The following TMOD3 variants were observed in gnomAD, a reference collection of about 807,000 sequenced individuals.
TMOD3 encodes tropomodulin-3.
TMOD3 carries 20 observed loss-of-function variants against 39.2 expected under a neutral mutation model. That is an observed-to-expected ratio of 0.51 (90% confidence interval 0.36 to 0.74). The LOEUF is 0.74. Among genes scored for constraint, TMOD3 ranks in the 30% least tolerant of loss-of-function variants. The probability of loss-of-function intolerance (pLI) is 0.00; values close to 1 mark genes in which losing one functional copy is unlikely to be tolerated. For synonymous variants in TMOD3, 143 were observed against 145.8 expected (o/e 0.98, Z 0.14); for missense variants, 381 against 412.8 (o/e 0.92, Z 0.67).
chr15:51,889,698 C>A (rs2056582730), intron 5 of TMOD3, among the ~76,000 whole-genome samples: 1 of 151,986 alleles, frequency 6.6e-6, no homozygotes, highest in Non-Finnish European at 1.5e-5. Context: ...AGACCCCCAT[C>A]TCTAAAAAAT....
At chr15:51,905,001 G>A (rs1054926692) in intron 9 of TMOD3, among the ~76,000 whole-genome samples, 7 of 152,184 alleles carry the variant, frequency 4.6e-5, no homozygotes, top group Non-Finnish European at 7.3e-5. Flanking sequence ...ATTTTCAAAC[G>A]TGGGTCTCAT....
In TMOD3 at chr15:51,912,640, T is replaced by A. The variant is rs766539546; in HGVS notation, c.*3830T>A. On this transcript the variant is annotated 3_prime_UTR_variant, in exon 10 of 10. Coordinates refer to ENST00000308580, the MANE Select transcript of TMOD3 (RefSeq NM_014547.5). ...CTCCCAGCAGATGCAAGGATCATGC[T>A]TTCTCTGGAGTCCTTAGTCACTTCC... 1.3e-5 allele frequency: 2 copies of A among 152,182 alleles called. No individual in the cohort carries two copies. Among genetic ancestry groups the A allele is most frequent in the Non-Finnish European group, 2.9e-5 (2 of 68,040 alleles). 9.4% of individuals were successfully genotyped at this position (152,182 alleles called of 1,614,324 possible).
chr15:51,878,160 A>G (rs2056514430), intron 3 of TMOD3, among the ~76,000 whole-genome samples: 1 of 152,366 alleles, frequency 6.6e-6, no homozygotes, highest in South Asian at 2.1e-4. Context: ...TAAGCTAGGT[A>G]ATCACAGGGC....
chr15:51,837,065 G>T, intron 1 of TMOD3, among the ~76,000 whole-genome samples: 1 of 128,670 alleles, frequency 7.8e-6, no homozygotes, highest in Admixed American at 8.7e-5. Flanking sequence ...AATGAGGGCT[G>T]GGTTTGATAT....
chr15:51,901,132 C>T (rs1250161820), intron 8 of TMOD3: 1 of 152,220 alleles, frequency 6.6e-6, no homozygotes, highest in Non-Finnish European at 1.5e-5. Flanking sequence ...GCTTCTTTCA[C>T]CTGGCATAAT....
chr15:51,851,902 G>A (rs537291999), intron 1 of TMOD3, among the ~76,000 whole-genome samples: 5 of 152,322 alleles, frequency 3.3e-5, no homozygotes, highest in African/African-American at 1.2e-4. Flanking sequence ...CCTAGGCTGA[G>A]AGAGCTGCTT....
intron 1 of TMOD3, among the ~76,000 whole-genome samples, chr15:51,853,309 C>T (rs983254897): frequency 3.9e-5 from 6 of 152,150 alleles, no homozygotes; most frequent in African/African-American, 1.4e-4. Flanking sequence ...TCAAGTGATC[C>T]TCCCACCTCG....
At chr15:51,894,467 T>A (rs1328960141) in intron 6 of TMOD3, among the ~76,000 whole-genome samples, 1 of 152,136 alleles carries the variant, frequency 6.6e-6, no homozygotes, top group Non-Finnish European at 1.5e-5. Context: ...TAGTGTCCAG[T>A]TCTATGAATT....
chr15:51,906,441 C>A (rs577519867), intron 9 of TMOD3, among the ~76,000 whole-genome samples: 2 of 152,284 alleles, frequency 1.3e-5, no homozygotes, highest in Non-Finnish European at 2.9e-5. Context: ...CTCAGCTATT[C>A]ATTGAAATAA....
chr15:51,870,232 C>G (rs1707707675), intron 3 of TMOD3, among the ~76,000 whole-genome samples: 1 of 152,168 alleles, frequency 6.6e-6, no homozygotes, highest in Admixed American at 6.5e-5. Flanking sequence ...AGCCACTGCA[C>G]CCAGCCACAG....
intron 1 of TMOD3, among the ~76,000 whole-genome samples, chr15:51,835,232 TTTC>T (rs1021337797): frequency 9.2e-5 from 14 of 152,314 alleles, no homozygotes; most frequent in African/African-American, 3.4e-4. Flanking sequence ...GAGCTTAATA[TTTC>T]TTGTTTATTG....
chr15:51,835,552 G>A (rs779774286), intron 1 of TMOD3, among the ~76,000 whole-genome samples: 21 of 152,240 alleles, frequency 1.4e-4, no homozygotes, highest in Non-Finnish European at 2.5e-4. Context: ...CAAGCAAACT[G>A]CTCACCTTGG....
At position 51,915,437 on chromosome 15, in the gene TMOD3, T is replaced by C. The variant is rs962447520; in HGVS notation, c.*6627T>C. On this transcript the variant is annotated 3_prime_UTR_variant, in exon 10 of 10. Transcript: ENST00000308580. Reference sequence around the variant, plus strand: ...TTAGTTACATTTAAAAGCTTGAAAATTACCTTTCTAACAATCATTTGAATG... The same window carrying C: ...TTAGTTACATTTAAAAGCTTGAAAACTACCTTTCTAACAATCATTTGAATG... 1.3e-5 allele frequency: 2 copies of C among 152,222 alleles called. No homozygotes were observed. The highest frequency in any genetic ancestry group is 2.1e-4 in the South Asian group (1 of 4,830). The allele number at this position is 152,222 out of a possible 1,614,324, so 9.4% of individuals were successfully genotyped here. A position where few individuals can be genotyped will look rare whatever the true frequency, so the allele number is the denominator to read the frequency against.
At chr15:51,832,178 T>C (rs2056258567) in intron 1 of TMOD3, among the ~76,000 whole-genome samples, 1 of 128,852 alleles carries the variant, frequency 7.8e-6, no homozygotes, top group Non-Finnish European at 1.7e-5. Context: ...AGTAAGACCC[T>C]GTCTCTCTAA....
intron 3 of TMOD3, among the ~76,000 whole-genome samples, chr15:51,886,705 A>G (rs1184957454): frequency 2.6e-5 from 4 of 151,850 alleles, no homozygotes; most frequent in Non-Finnish European, 4.4e-5. Flanking sequence ...AGGGAGAGGG[A>G]GACCGTGGAG....
Position 51,859,998 on chromosome 15 carries a change from A to G in TMOD3, c.-74-2813A>G. The G allele has an allele frequency of 7.4e-6, 4 of 543,328 alleles. No homozygotes were observed. The Admixed American group carries it at 7.7e-5, about 10-fold the overall frequency. 33.7% of individuals were successfully genotyped at this position (543,328 alleles called of 1,614,324 possible). On this transcript the variant is annotated intron_variant, in intron 1 of 9. Transcript: ENST00000308580. The stretch of plus-strand genomic sequence containing the variant: ...CTTTCCAAGCAAAAGGTGATATAAC[A>G]CTTCCACATGGCCTCCCTTGGCAGA...
At chr15:51,899,366 A>T (rs912631012) in intron 7 of TMOD3, among the ~76,000 whole-genome samples, 1 of 152,204 alleles carries the variant, frequency 6.6e-6, no homozygotes, top group Non-Finnish European at 1.5e-5. Context: ...GACTGGGTAC[A>T]TATGAAAAAT....
At position 51,914,736 on chromosome 15, in the gene TMOD3, C is replaced by CT. The variant is rs879340928; in HGVS notation, c.*5938dup. ...CATAGCTGTAACAAATTATTAAGTTCTTTTTTTTTTTTAAGATGGAGGTTC... is the reference window on the plus strand; with the variant it reads ...CATAGCTGTAACAAATTATTAAGTTCTTTTTTTTTTTTTAAGATGGAGGTTC... On this transcript the variant is annotated 3_prime_UTR_variant, in exon 10 of 10. Transcript: ENST00000308580. 4.9e-4 allele frequency: 71 copies of CT among 144,208 alleles called. No homozygotes were observed. Among genetic ancestry groups the CT allele is most frequent in the South Asian group, 9.0e-4 (4 of 4,464 alleles). 8.9% of individuals were successfully genotyped at this position (144,208 alleles called of 1,614,324 possible).
chr15:51,897,627 G>A (rs1157761433), intron 7 of TMOD3, among the ~76,000 whole-genome samples: 1 of 150,830 alleles, frequency 6.6e-6, no homozygotes, highest in Admixed American at 6.6e-5. Flanking sequence ...TGGGATTACA[G>A]GCATGCGCCA....
Sources: allele counts gnomAD v4.1 joint callset (sites outside exome capture counted in the v4.1 genomes callset), GRCh38; gene constraint gnomAD v4.1.1; transcripts MANE v1.5; gene names NCBI Gene and HGNC (gene_info 2026-07-23, HGNC 2026-07-21).